PCDHGB1: variants seen among roughly 807,000 people sequenced by gnomAD.
PCDHGB1 encodes the protein protocadherin gamma subfamily B, 1, also known as protocadherin gamma-B1.
PCDHGB1 carries 34 observed loss-of-function variants against 56.6 expected under a neutral mutation model. That is an observed-to-expected ratio of 0.60 (90% CI 0.46 to 0.80). PCDHGB1 has a LOEUF of 0.80. Ranked by LOEUF, PCDHGB1 falls within the 30% of genes least tolerant of loss-of-function variation. The pLI is 0.00. For missense variants in PCDHGB1, 1,278 were observed against 1,204.6 expected (o/e 1.06, Z -0.90); for synonymous variants, 561 against 505.9 (o/e 1.11, Z -1.46).
chr5:141,365,306 G>A, intron 1 of PCDHGB1: 1 of 1,613,976 alleles, frequency 6.2e-7, no homozygotes, highest in South Asian at 1.1e-5. Context: ...GGATGGAGGC[G>A]CTCTTGTTGC....
At chr5:141,406,072 C>CT (rs530474569) in intron 1 of PCDHGB1, among the ~76,000 whole-genome samples, 26,413 of 141,282 alleles carry the variant, frequency 0.19, 2,878 homozygotes, top group African/African-American at 0.31. Context: ...ATTCTTACTC[C>CT]TTTTTTTTTT....
intron 1 of PCDHGB1, chr5:141,375,382 T>C (rs1197726438): frequency 6.2e-7 from 1 of 1,613,986 alleles, no homozygotes; most frequent in Non-Finnish European, 8.5e-7. Flanking sequence ...CACCTCTGTC[T>C]ACAGAAACAA....
intron 1 of PCDHGB1, among the ~76,000 whole-genome samples, chr5:141,406,361 T>C (rs2094800900): frequency 6.6e-6 from 1 of 152,194 alleles, no homozygotes; most frequent in African/African-American, 2.4e-5. Flanking sequence ...ACTATGTTTG[T>C]AAGGGTAAAC....
At chr5:141,428,293 C>G (rs1278634119) in intron 1 of PCDHGB1, 1 of 716,436 alleles carries the variant, frequency 1.4e-6, no homozygotes, top group South Asian at 1.6e-5. Flanking sequence ...AGCAAAGCTG[C>G]AGATTTACCT....
At chr5:141,419,663 G>T (rs1459319505) in intron 1 of PCDHGB1, 1 of 1,612,710 alleles carries the variant, frequency 6.2e-7, no homozygotes, top group Non-Finnish European at 8.5e-7. Flanking sequence ...GGGGCACAAT[G>T]CCTGGCTGTC....
chr5:141,363,424 C>T (rs1226376844), intron 1 of PCDHGB1, among the ~76,000 whole-genome samples: 1 of 152,126 alleles, frequency 6.6e-6, no homozygotes, highest in Non-Finnish European at 1.5e-5. Context: ...ATATCTGTCT[C>T]AACATAGAAA....
chr5:141,377,889 C>T (rs914946378), intron 1 of PCDHGB1: 1 of 152,056 alleles, frequency 6.6e-6, no homozygotes, highest in Non-Finnish European at 1.5e-5. Flanking sequence ...AGATAGGATC[C>T]CCCTCTGTTG....
At chr5:141,408,423 A>G (rs2095103444) in intron 1 of PCDHGB1, 1 of 1,614,078 alleles carries the variant, frequency 6.2e-7, no homozygotes. Flanking sequence ...GAGAAGCTGC[A>G]CTTCAGCGTA....
rs1356654620 is a variant in PCDHGB1 at position 141,490,430 on chromosome 5, TTAA to T, written c.2410-4376_2410-4374del. On this transcript the variant is annotated intron_variant, in intron 1 of 3. Coordinates refer to ENST00000523390, the MANE Select transcript of PCDHGB1 (RefSeq NM_018922.3). The surrounding 1 kb of genome is among the most constrained non-coding windows in gnomAD (Gnocchi z 5.4). ...ATCTCTCCGGACCTGCCATTTCAGA[TTAA>T]GCCTTCTGAGAACCACTACTCGCTG... 1 of 1,614,162 alleles carries T rather than the reference TTAA, an allele frequency of 6.2e-7. No individual in the cohort carries two copies.
chr5:141,422,594 C>G, intron 1 of PCDHGB1: 1 of 1,614,090 alleles, frequency 6.2e-7, no homozygotes, highest in Non-Finnish European at 8.5e-7. Flanking sequence ...TTTCCTCACT[C>G]CTCTTACTCT....
At chr5:141,447,834 C>T (rs2098552835) in intron 1 of PCDHGB1, among the ~76,000 whole-genome samples, 1 of 151,844 alleles carries the variant, frequency 6.6e-6, no homozygotes, top group African/African-American at 2.4e-5. Flanking sequence ...GCCTGTAATC[C>T]CAGTGCTTTG....
intron 1 of PCDHGB1, chr5:141,427,090 A>G: frequency 2.2e-6 from 1 of 458,214 alleles, no homozygotes; most frequent in East Asian, 6.9e-5. Context: ...GACCAGGATG[A>G]GGGTGTCAAT....
Position 141,511,508 on chromosome 5 carries a change from C to T in PCDHGB1, c.*335C>T, listed in dbSNP as rs1339517659. 7.8e-6 allele frequency: 3 copies of T among 385,970 alleles called. No individual in the cohort carries two copies. Among genetic ancestry groups the T allele is most frequent in the Non-Finnish European group, 1.5e-5 (3 of 206,164 alleles). The allele number at this position is 385,970 out of a possible 1,614,324, so 23.9% of individuals were successfully genotyped here. Reference sequence around the variant, plus strand: ...TCCTCCATCTTCCAAATCAATCAGGCCCATCCATCCCATGCCTCCCTCCTC... The same window carrying T: ...TCCTCCATCTTCCAAATCAATCAGGTCCATCCATCCCATGCCTCCCTCCTC... On this transcript the variant is annotated 3_prime_UTR_variant, in exon 4 of 4. Coordinates refer to ENST00000523390, the MANE Select transcript of PCDHGB1 (RefSeq NM_018922.3).
At chr5:141,394,739 C>T (rs377359689) in intron 1 of PCDHGB1, 4 of 1,613,390 alleles carry the variant, frequency 2.5e-6, no homozygotes, top group Non-Finnish European at 3.4e-6. Flanking sequence ...AGCAGAGCCT[C>T]GTGGTGGCCG....
At chr5:141,441,782 G>T in intron 1 of PCDHGB1, 1 of 391,086 alleles carries the variant, frequency 2.6e-6, no homozygotes, top group East Asian at 8.8e-5. Context: ...TGGACGACCT[G>T]AATGACAACG....
At chr5:141,456,342 G>A (rs1439003615) in intron 1 of PCDHGB1, among the ~76,000 whole-genome samples, 1 of 152,114 alleles carries the variant, frequency 6.6e-6, no homozygotes, top group African/African-American at 2.4e-5. Context: ...AAGGGTCCTC[G>A]GAAGAATGGC....
Position 141,486,812 on chromosome 5 carries a change from A to G in PCDHGB1, c.2410-7995A>G, listed in dbSNP as rs781747283. 6.2e-7 allele frequency: 1 copy of G among 1,614,226 alleles called. No individual in the cohort carries two copies. The highest frequency in any genetic ancestry group is 8.5e-7 in the Non-Finnish European group (1 of 1,180,046). ...GGATCGGGGCAACCCACCCCTTAGC[A>G]GCACTGTAACAGTTCGTCTATTTGT... On this transcript the variant is annotated intron_variant, in intron 1 of 3. Transcript: ENST00000523390. This position sits in a 1 kb window ranked among gnomAD's most constrained non-coding sequence, Gnocchi z 5.0.
At chr5:141,499,136 G>A (rs1488844131) in intron 2 of PCDHGB1, among the ~76,000 whole-genome samples, 1 of 152,100 alleles carries the variant, frequency 6.6e-6, no homozygotes, top group Non-Finnish European at 1.5e-5. Flanking sequence ...CATCCTTTGG[G>A]TGTCTGATCC....
intron 1 of PCDHGB1, chr5:141,355,570 A>G: frequency 6.2e-7 from 1 of 1,614,018 alleles, no homozygotes; most frequent in Non-Finnish European, 8.5e-7. Context: ...GGTGGAAATA[A>G]TCGATGTTAA....
Sources: allele counts gnomAD v4.1 joint callset (sites outside exome capture counted in the v4.1 genomes callset), GRCh38; gene constraint gnomAD v4.1.1; non-coding constraint Gnocchi (gnomAD v3.1); transcripts MANE v1.5; gene names NCBI Gene and HGNC (gene_info 2026-07-23, HGNC 2026-07-21).